The following CCDC66 variants were observed in gnomAD, a reference collection of about 807,000 sequenced individuals.
CCDC66 encodes the protein coiled-coil domain-containing protein 66.
In CCDC66, 133 loss-of-function variants were observed where a neutral mutation model predicts 128.3. The observed-to-expected ratio is 1.04, with a 90% CI of 0.90 to 1.20. The LOEUF is 1.20. Ranked by LOEUF, CCDC66 falls within the 50% of genes most tolerant of loss-of-function variation. The pLI is 0.00. For missense variants in CCDC66, 1,126 were observed against 1,075.5 expected, an observed-to-expected ratio of 1.05 and a Z score of -0.66; for synonymous variants, 387 against 357.0, an observed-to-expected ratio of 1.08 and a Z score of -0.95.
chr3:56,565,332 G>A, intron 4 of CCDC66: 1 of 174,682 alleles, frequency 5.7e-6, no homozygotes, highest in Non-Finnish European at 1.2e-5. Flanking sequence ...GGAGTGCAGT[G>A]GCACGATCTT....
chr3:56,619,365 G>A lies in CCDC66; in HGVS notation c.2473G>A (p.Glu825Lys). Reference protein sequence around the residue: ...LPLKNSSYERENLISGSNQTE... With the variant: ...LPLKNSSYERKNLISGSNQTE... ...ACTAAAAAACAGTAGCTATGAGAGA[G>A]AGAATTTGATCTCAGGAAGTAATCA... Residue 825 changes from glutamate (E) to lysine (K), a missense_variant, in exon 16 of 18, where the codon GAG becomes AAG. By Grantham distance (56) the Glu-to-Lys change is moderately conservative (BLOSUM62 1). Transcript: ENST00000394672. 1 of 1,613,854 alleles carries A rather than the reference G, an allele frequency of 6.2e-7. No homozygotes were observed. The highest frequency in any genetic ancestry group is 8.5e-7 in the Non-Finnish European group (1 of 1,179,870).
intron 6 of CCDC66, among the ~76,000 whole-genome samples, chr3:56,567,374 GCAAGACTCCATCT>G (rs1373219082): frequency 6.6e-6 from 1 of 152,152 alleles, no homozygotes; most frequent in Non-Finnish European, 1.5e-5. Context: ...GGGCTACCGA[GCAAGACTCCATCT>G]CAAATAAATA....
chr3:56,601,954 C>A (rs1209660451), intron 10 of CCDC66, among the ~76,000 whole-genome samples: 1 of 151,936 alleles, frequency 6.6e-6, no homozygotes, highest in Non-Finnish European at 1.5e-5. Context: ...ATTTGAATAC[C>A]CTTTATTTCT....
In CCDC66 at chr3:56,558,861, T is replaced by G; in HGVS notation, c.27T>G (p.Leu9=). The change falls in exon 2 of 18, where the codon CTT becomes CTG. Residue 9 remains leucine (L), a synonymous_variant. Coordinates refer to ENST00000394672, the MANE Select transcript of CCDC66 (RefSeq NM_001141947.3). Reference sequence around the variant, plus strand: ...TTTATTACAGAGATGGTTTAAAGCTTGAAACTGAATTACTGGATGGAAAAA... The same window carrying G: ...TTTATTACAGAGATGGTTTAAAGCTGGAAACTGAATTACTGGATGGAAAAA... The part of the protein sequence containing the change: MNLGDGLK[L]ETELLDGKTK... 1.3e-6 allele frequency: 2 copies of G among 1,549,392 alleles called. No homozygotes were observed. Among genetic ancestry groups the G allele is most frequent in the Non-Finnish European group, 1.7e-6 (2 of 1,145,380 alleles).
intron 15 of CCDC66, chr3:56,618,955 C>T (rs1282193495): frequency 1.7e-5 from 4 of 229,266 alleles, no homozygotes; most frequent in South Asian, 8.7e-5. Flanking sequence ...ATGTGGCTCA[C>T]GCCTGTAATC....
intron 7 of CCDC66, among the ~76,000 whole-genome samples, chr3:56,578,016 G>C (rs2067678689): frequency 6.6e-6 from 1 of 151,822 alleles, no homozygotes; most frequent in Admixed American, 6.6e-5. Context: ...GGGCAGTATG[G>C]CCATTTTCAC....
At chr3:56,566,829 C>A in intron 5 of CCDC66, 70 bp downstream of exon 5, 14 of 1,503,908 alleles carry the variant, frequency 9.3e-6, no homozygotes, top group Non-Finnish European at 1.3e-5. Context: ...CCTTTACTTG[C>A]ATGTGAAATA....
At chr3:56,607,885 A>G (rs1396586007) in intron 10 of CCDC66, among the ~76,000 whole-genome samples, 3 of 152,164 alleles carry the variant, frequency 2.0e-5, no homozygotes, top group Non-Finnish European at 2.9e-5. Context: ...TTCTGCATCT[A>G]TTGAGATGAT....
In CCDC66 at chr3:56,582,142, G is replaced by A. The variant is rs140127824; in HGVS notation, c.937-10828G>A. ...GACGCCCCTCCCCAGCCTTGCTGCC[G>A]CCTTGCAGTTCAGTCTCAGACTGCT... On this transcript the variant is annotated intron_variant, in intron 7 of 17. Transcript: ENST00000394672. 8.7e-4 allele frequency among the ~76,000 whole-genome samples: 132 copies of A among 151,972 alleles called. 1 individual carries two copies. Among genetic ancestry groups the A allele is most frequent in the African/African-American group, 2.9e-3 (122 of 41,560 alleles).
Position 56,563,958 on chromosome 3 carries a change from A to G in CCDC66, c.377A>G (p.Asn126Ser), listed in dbSNP as rs746885668. ...PNMQKTRNTV[N>S]TSLVGKQKPH... ...ATGCAGAAGACTAGAAACACCGTAA[A>G]TACATCTCTAGTAGGTAAACAGAAG... Residue 126 changes from asparagine (N) to serine (S), a missense_variant, in exon 4 of 18, where the codon AAT (asparagine) becomes AGT (serine). Coordinates refer to ENST00000394672, the MANE Select transcript of CCDC66 (RefSeq NM_001141947.3). The G allele has an allele frequency of 6.2e-7, 1 of 1,613,874 alleles. No individual in the cohort carries two copies. The highest frequency in any genetic ancestry group is 2.2e-5 in the East Asian group (1 of 44,838).
chr3:56,606,262 G>A (rs778012918), intron 10 of CCDC66, among the ~76,000 whole-genome samples: 7 of 152,024 alleles, frequency 4.6e-5, no homozygotes, highest in East Asian at 1.9e-4. Flanking sequence ...CCTGGCTTCC[G>A]CCCCCTTTCC....
In CCDC66 at chr3:56,557,177, G is replaced by A. The variant is rs1232507792; in HGVS notation, c.-66G>A. Reference sequence around the variant, plus strand: ...ATCCAATTGGCGTAGCGCTTGCTGAGCGGCGGCGGCAACCGACGTACACAA... The same window carrying A: ...ATCCAATTGGCGTAGCGCTTGCTGAACGGCGGCGGCAACCGACGTACACAA... On this transcript the variant is annotated 5_prime_UTR_variant, in exon 1 of 18. Transcript: ENST00000394672. 3.2e-6 allele frequency: 5 copies of A among 1,547,728 alleles called. No homozygotes were observed. The highest frequency in any genetic ancestry group is 1.4e-5 in the African/African-American group (1 of 73,068).
intron 10 of CCDC66, among the ~76,000 whole-genome samples, chr3:56,604,079 G>A (rs1372205996): frequency 2.6e-5 from 4 of 151,994 alleles, no homozygotes; most frequent in African/African-American, 9.7e-5. Context: ...TTGGTTTAAA[G>A]TCTGTTTTAT....
At chr3:56,606,512 G>A (rs1381233473) in intron 10 of CCDC66, among the ~76,000 whole-genome samples, 1 of 151,916 alleles carries the variant, frequency 6.6e-6, no homozygotes, top group South Asian at 2.1e-4. Context: ...CATCCCTCAT[G>A]GATTCCCTTG....
intron 3 of CCDC66, among the ~76,000 whole-genome samples, chr3:56,559,949 C>T (rs568591273): frequency 6.6e-6 from 1 of 152,228 alleles, no homozygotes; most frequent in East Asian, 1.9e-4. Flanking sequence ...TTCTAATTTC[C>T]TTTAATTTTT....
intron 10 of CCDC66, among the ~76,000 whole-genome samples, chr3:56,596,051 A>G (rs1164105650): frequency 1.3e-5 from 2 of 152,134 alleles, no homozygotes; most frequent in African/African-American, 4.8e-5. Flanking sequence ...AGTAGCTGAT[A>G]TTACAAGCAT....
At chr3:56,606,890 G>C (rs1173826988) in intron 10 of CCDC66, among the ~76,000 whole-genome samples, 1 of 151,230 alleles carries the variant, frequency 6.6e-6, no homozygotes, top group South Asian at 2.1e-4. Context: ...ACCATTTGTT[G>C]AAAAGGGTGT....
At chr3:56,559,724 A>G in intron 3 of CCDC66, 130 bp downstream of exon 3, 1 of 650,694 alleles carries the variant, frequency 1.5e-6, no homozygotes, top group Middle Eastern at 2.6e-4. Flanking sequence ...AGGAGTTATT[A>G]TTTTCTTGCT....
intron 10 of CCDC66, among the ~76,000 whole-genome samples, chr3:56,601,565 A>G (rs991961500): frequency 1.3e-5 from 2 of 151,982 alleles, no homozygotes; most frequent in African/African-American, 4.8e-5. Flanking sequence ...ACTTTGGGCA[A>G]TATGGTCATT....
Sources: gnomAD v4.1 joint callset for allele counts (sites outside exome capture counted in the v4.1 genomes callset) on GRCh38, gnomAD v4.1.1 for gene constraint, MANE v1.5 for transcripts, NCBI Gene and HGNC (gene_info 2026-07-23, HGNC 2026-07-21) for gene names.